The following ERCC6L2 variants were observed in gnomAD, a reference collection of about 807,000 sequenced individuals.
ERCC6L2 encodes the protein DNA excision repair protein ERCC-6-like 2.
A neutral mutation model predicts 132.0 loss-of-function variants in ERCC6L2; 77 were observed. That is an observed-to-expected ratio of 0.58 (90% CI 0.49 to 0.71). The LOEUF is 0.71. Ranked by LOEUF, ERCC6L2 falls within the 30% of genes least tolerant of loss-of-function variation. ERCC6L2 has a pLI of 0.00. For synonymous variants in ERCC6L2, 583 were observed against 632.4 expected (o/e 0.92, Z 1.17); for missense variants, 1,542 against 1,837.6 (o/e 0.84, Z 2.94).
chr9:95,910,915 T>G (rs947272122), intron 4 of ERCC6L2, among the ~76,000 whole-genome samples: 2 of 152,086 alleles, frequency 1.3e-5, no homozygotes, highest in Non-Finnish European at 2.9e-5. Flanking sequence ...CCTCAGGTTT[T>G]GTTTTGTTTT....
intron 11 of ERCC6L2, among the ~76,000 whole-genome samples, chr9:95,931,479 A>G (rs1228881517): frequency 6.6e-6 from 1 of 152,162 alleles, no homozygotes; most frequent in Non-Finnish European, 1.5e-5. Context: ...TTGTTTTCCT[A>G]GGAAATATCC....
chr9:95,916,684 C>CT (rs1360979308), intron 6 of ERCC6L2, among the ~76,000 whole-genome samples: 5,626 of 137,286 alleles, frequency 0.041, 171 homozygotes, highest in African/African-American at 0.061. Flanking sequence ...TCATCAAAAC[C>CT]TTTTTTTTTT....
intron 15 of ERCC6L2, 22 bp from the exon 16 acceptor site, chr9:95,971,911 T>G: frequency 2.4e-6 from 3 of 1,246,228 alleles, no homozygotes; most frequent in Non-Finnish European, 3.1e-6. Context: ...TTCTGATGTT[T>G]TTGTCATTGT....
chr9:95,986,262 C>T (rs1196615132), intron 17 of ERCC6L2, among the ~76,000 whole-genome samples: 1 of 152,152 alleles, frequency 6.6e-6, no homozygotes. Context: ...AGTCACTAAA[C>T]TAATTCAAAT....
At chr9:95,918,180 G>A (rs546271035) in intron 6 of ERCC6L2, 6 of 474,868 alleles carry the variant, frequency 1.3e-5, no homozygotes, top group Admixed American at 4.5e-5. Context: ...AAGGAGCAGA[G>A]GAAATGGAGG....
rs138712077 is a variant in ERCC6L2, at chr9:95,982,820, A to G, written c.3492+4605A>G. Among the ~76,000 whole-genome samples, 52 of 152,290 alleles carry G rather than the reference A, an allele frequency of 3.4e-4. No homozygotes were observed. The East Asian group carries it at 9.5e-3, about 28-fold the overall frequency. ...AGATAGCATTCTGATTCAGAATATA[A>G]TACGTCATTTGAGTAGAAAATACCT... On this transcript the variant is annotated intron_variant, in intron 17 of 18. Coordinates refer to ENST00000653738, the MANE Select transcript of ERCC6L2 (RefSeq NM_020207.7).
chr9:95,974,315 A>G (rs934171231), intron 16 of ERCC6L2, among the ~76,000 whole-genome samples: 2 of 152,168 alleles, frequency 1.3e-5, no homozygotes, highest in African/African-American at 4.8e-5. Flanking sequence ...ACCAGTTTTT[A>G]GTATTAAACT....
chr9:95,984,124 T>C (rs1235593123), intron 17 of ERCC6L2, among the ~76,000 whole-genome samples: 1 of 150,656 alleles, frequency 6.6e-6, no homozygotes, highest in East Asian at 1.9e-4. Flanking sequence ...AACATATATG[T>C]TTATACATAT....
intron 13 of ERCC6L2, among the ~76,000 whole-genome samples, chr9:95,963,862 T>C (rs1289540728): frequency 6.6e-6 from 1 of 152,212 alleles, no homozygotes; most frequent in Non-Finnish European, 1.5e-5. Context: ...GACATGATAC[T>C]GTGCTCTTCT....
At chr9:96,031,733 A>G (rs1301072432) in intron 19 of ERCC6L2, among the ~76,000 whole-genome samples, 1 of 152,106 alleles carries the variant, frequency 6.6e-6, no homozygotes, top group Non-Finnish European at 1.5e-5. Context: ...AGCCCTCGTC[A>G]CTTCCCACCA....
chr9:95,919,859 T>G lies in ERCC6L2; in HGVS notation c.1159-1316T>G, dbSNP rs527422012. On this transcript the variant is annotated intron_variant, in intron 6 of 18. Coordinates refer to ENST00000653738, the MANE Select transcript of ERCC6L2 (RefSeq NM_020207.7). Reference sequence around the variant, plus strand: ...AATTCAAGAGCTAATTTAAAGAAATTCAGGACACCACACCAGAGGAATTAA... The same window carrying G: ...AATTCAAGAGCTAATTTAAAGAAATGCAGGACACCACACCAGAGGAATTAA... Among the ~76,000 whole-genome samples, 10 of 152,248 alleles carry G rather than the reference T, an allele frequency of 6.6e-5. No homozygotes were observed. In the South Asian group the frequency reaches 2.1e-3, roughly 32 times the overall value.
At chr9:95,911,657 C>T (rs181208743) in intron 4 of ERCC6L2, among the ~76,000 whole-genome samples, 258 of 152,198 alleles carry the variant, frequency 1.7e-3, no homozygotes, top group African/African-American at 5.9e-3. Context: ...GAGGATAGTG[C>T]TCTGTGCATT....
chr9:95,903,187 A>G (rs879834810), intron 3 of ERCC6L2, among the ~76,000 whole-genome samples: 12 of 152,000 alleles, frequency 7.9e-5, no homozygotes, highest in Non-Finnish European at 1.3e-4. Flanking sequence ...CAGTTGGTTA[A>G]CCAGTTATCT....
chr9:95,952,119 G>C (rs1212309417), intron 12 of ERCC6L2, among the ~76,000 whole-genome samples: 2 of 121,018 alleles, frequency 1.7e-5, no homozygotes, highest in African/African-American at 6.6e-5. Context: ...AGTGAGCCGA[G>C]ATCAAGCCAT....
chr9:96,004,509 C>T lies in ERCC6L2; in HGVS notation c.3493-11C>T. 7.7e-7 allele frequency: 1 copy of T among 1,290,340 alleles called. No individual in the cohort carries two copies. Among genetic ancestry groups the T allele is most frequent in the Non-Finnish European group, 1.0e-6 (1 of 982,376 alleles). The allele number at this position is 1,290,340 out of a possible 1,614,324, so 79.9% of individuals were successfully genotyped here. On this transcript the variant is annotated splice_polypyrimidine_tract_variant and intron_variant, in intron 17 of 18. Coordinates refer to ENST00000653738, the MANE Select transcript of ERCC6L2 (RefSeq NM_020207.7). Reference sequence around the variant, plus strand: ...TTCAGACATAGCTTTTGTTTCCTTTCTTTTTTTCAGACATATAAAGAAAAA... The same window carrying T: ...TTCAGACATAGCTTTTGTTTCCTTTTTTTTTTTCAGACATATAAAGAAAAA...
rs1263878300 is a variant in ERCC6L2 at position 96,013,509 on chromosome 9, GC to G, written c.*310del. ...TATATTACATAATGATGTGACACTTGCCCCGGTGAGCATTGTTTCCCAGTAT... is the reference window on the plus strand; with the variant it reads ...TATATTACATAATGATGTGACACTTGCCCGGTGAGCATTGTTTCCCAGTAT... On this transcript the variant is annotated 3_prime_UTR_variant, in exon 19 of 19. Transcript: ENST00000653738. 2 of 185,476 alleles carry G rather than the reference GC, an allele frequency of 1.1e-5. No individual in the cohort carries two copies. Among genetic ancestry groups the G allele is most frequent in the Non-Finnish European group, 2.3e-5 (2 of 87,902 alleles). 11.5% of individuals were successfully genotyped at this position (185,476 alleles called of 1,614,324 possible).
intron 17 of ERCC6L2, among the ~76,000 whole-genome samples, chr9:95,987,339 G>A (rs145770357): frequency 1.3e-5 from 2 of 152,202 alleles, no homozygotes; most frequent in Non-Finnish European, 2.9e-5. Context: ...TTCTGCCTAT[G>A]AGCCTGTAAA....
chr9:96,027,639 TC>T, intron 19 of ERCC6L2: 1 of 151,918 alleles, frequency 6.6e-6, no homozygotes, highest in Non-Finnish European at 1.5e-5. Flanking sequence ...CGCCCACCCG[TC>T]CCCCCGGCGC....
At chr9:95,920,572 T>C (rs1378312348) in intron 6 of ERCC6L2, among the ~76,000 whole-genome samples, 4 of 152,154 alleles carry the variant, frequency 2.6e-5, no homozygotes, top group Admixed American at 2.0e-4. Context: ...CCTAGCGCCA[T>C]CCATGTTCAA....
Sources: allele counts gnomAD v4.1 joint callset (sites outside exome capture counted in the v4.1 genomes callset), GRCh38; gene constraint gnomAD v4.1.1; transcripts MANE v1.5; gene names NCBI Gene and HGNC (gene_info 2026-07-23, HGNC 2026-07-21).